PTPRD: variants seen among roughly 807,000 people sequenced by gnomAD.
PTPRD encodes the protein receptor-type tyrosine-protein phosphatase delta.
Under a neutral mutation model 214.5 loss-of-function variants are expected in PTPRD, and 34 were observed. The ratio of observed to expected loss-of-function variants is 0.16; its 90% CI spans 0.12 to 0.21. The LOEUF (loss-of-function observed/expected upper bound fraction) is 0.21, where lower values mean the gene tolerates loss of function less well. Among genes scored for constraint, PTPRD ranks in the 10% least tolerant of loss-of-function variants. The pLI is 1.00. For missense variants in PTPRD, 2,545 were observed against 2,398.7 expected (o/e 1.06, Z -1.27); for synonymous variants, 1,128 against 845.7 (o/e 1.33, Z -5.79).
chr9:9,601,229 T>A (rs2093743877), intron 7 of PTPRD, among the ~76,000 whole-genome samples: 1 of 150,920 alleles, frequency 6.6e-6, no homozygotes, highest in African/African-American at 2.4e-5. Flanking sequence ...AATATTTGAG[T>A]TATAATTACT....
intron 3 of PTPRD, among the ~76,000 whole-genome samples, chr9:10,108,013 T>C (rs1352694254): frequency 6.6e-6 from 1 of 152,034 alleles, no homozygotes; most frequent in Admixed American, 6.6e-5. Context: ...GCATTGTACT[T>C]TTTGGCTGCC....
chr9:9,529,684 A>G (rs2075031387), intron 8 of PTPRD, among the ~76,000 whole-genome samples: 1 of 151,356 alleles, frequency 6.6e-6, no homozygotes, highest in Non-Finnish European at 1.5e-5. Flanking sequence ...TGCTGGTGGA[A>G]AGGAAAAAAA....
chr9:10,466,215 GCTCAGGAAGCCTAATAT>G (rs1301210367), intron 2 of PTPRD, among the ~76,000 whole-genome samples: 15 of 152,132 alleles, frequency 9.9e-5, no homozygotes, highest in Admixed American at 9.8e-4. Flanking sequence ...GAAAACTGAT[GCTCAGGAAGCCTAATAT>G]CTAGCCTGAA....
intron 8 of PTPRD, among the ~76,000 whole-genome samples, chr9:9,430,604 A>C (rs1026556222): frequency 6.6e-6 from 1 of 152,190 alleles, no homozygotes; most frequent in African/African-American, 2.4e-5. Flanking sequence ...AGACAATCCT[A>C]AGCCAAAAGA....
rs1222366377 is a variant in PTPRD at position 9,021,887 on chromosome 9, TA to T, written c.-142-3153del. Among the ~76,000 whole-genome samples, 4 of 149,732 alleles carry T rather than the reference TA, an allele frequency of 2.7e-5. No individual in the cohort carries two copies. The East Asian group carries it at 7.9e-4, about 30-fold the overall frequency. On this transcript the variant is annotated intron_variant, in intron 10 of 45. Transcript: ENST00000381196. ...TTATTACAAAAGAGTCAAAAAGTTT[TA>T]AAAAGTTTCTAAAGTAAAAAATCTT...
intron 9 of PTPRD, among the ~76,000 whole-genome samples, chr9:9,357,762 T>G (rs2138769608): frequency 6.6e-6 from 1 of 151,372 alleles, no homozygotes; most frequent in Middle Eastern, 3.4e-3. Context: ...CAGACTATTT[T>G]AGGTTGACCC....
chr9:8,956,733 C>G (rs933788250), intron 11 of PTPRD, among the ~76,000 whole-genome samples: 3 of 151,812 alleles, frequency 2.0e-5, no homozygotes, highest in South Asian at 4.1e-4. Context: ...TCCTGCCTCC[C>G]TCCCTCTAAA....
Position 8,948,493 on chromosome 9 carries a change from T to A in PTPRD, c.-104+70204A>T, listed in dbSNP as rs1254283219. On this transcript the variant is annotated intron_variant, in intron 11 of 45. Coordinates refer to ENST00000381196, the MANE Select transcript of PTPRD (RefSeq NM_002839.4). Reference sequence around the variant, plus strand: ...CATATATATATATTTATATATATATTTATATATATATTTATATATATATAT... The same window carrying A: ...CATATATATATATTTATATATATATATATATATATATTTATATATATATAT... Among the ~76,000 whole-genome samples the A allele has an allele frequency of 6.2e-4, 30 of 48,426 alleles. 2 individuals carry two copies. Among genetic ancestry groups the A allele is most frequent in the African/African-American group, 1.0e-3 (11 of 11,004 alleles). 31.8% of individuals were successfully genotyped at this position (48,426 alleles called of 152,430 possible).
At chr9:10,525,456 T>C (rs975527551) in intron 2 of PTPRD, among the ~76,000 whole-genome samples, 1 of 152,012 alleles carries the variant, frequency 6.6e-6, no homozygotes, top group African/African-American at 2.4e-5. Flanking sequence ...ACAGATGATA[T>C]GAAAATTAAT....
At chr9:9,739,947 A>G (rs1199055256) in intron 6 of PTPRD, among the ~76,000 whole-genome samples, 1 of 152,162 alleles carries the variant, frequency 6.6e-6, no homozygotes, top group Non-Finnish European at 1.5e-5. Context: ...TTCCAAAAAT[A>G]TAAATATCTA....
intron 9 of PTPRD, among the ~76,000 whole-genome samples, chr9:9,355,391 G>C (rs2053372072): frequency 7.1e-6 from 1 of 141,272 alleles, no homozygotes; most frequent in South Asian, 2.3e-4. Flanking sequence ...GGAGGTGAAA[G>C]AATGGGCTTA....
At chr9:9,253,947 G>T (rs182408351) in intron 9 of PTPRD, among the ~76,000 whole-genome samples, 2 of 152,170 alleles carry the variant, frequency 1.3e-5, no homozygotes, top group African/African-American at 4.8e-5. Flanking sequence ...GCAGTTGCCA[G>T]CTTGGTTTCT....
At chr9:10,599,400 T>C (rs1365866798) in intron 2 of PTPRD, among the ~76,000 whole-genome samples, 1 of 151,782 alleles carries the variant, frequency 6.6e-6, no homozygotes, top group Non-Finnish European at 1.5e-5. Flanking sequence ...TATACAACAA[T>C]GAATGCTGAA....
intron 9 of PTPRD, among the ~76,000 whole-genome samples, chr9:9,204,108 C>T (rs1299457554): frequency 6.6e-6 from 1 of 152,038 alleles, no homozygotes; most frequent in East Asian, 1.9e-4. Context: ...ATGCTGTGCG[C>T]CAGGGAACAG....
At chr9:9,405,348 C>T (rs556664561) in intron 8 of PTPRD, among the ~76,000 whole-genome samples, 69 of 152,018 alleles carry the variant, frequency 4.5e-4, no homozygotes, top group African/African-American at 1.5e-3. Context: ...TCAGGTTCCT[C>T]GAGGGTTACC....
chr9:9,379,557 G>A (rs540363684), intron 9 of PTPRD, among the ~76,000 whole-genome samples: 43 of 151,850 alleles, frequency 2.8e-4, no homozygotes, highest in East Asian at 1.2e-3. Context: ...GAATCATTTC[G>A]TCAGTATCCA....
At chr9:9,661,110 T>C (rs1042809957) in intron 7 of PTPRD, among the ~76,000 whole-genome samples, 2 of 152,026 alleles carry the variant, frequency 1.3e-5, no homozygotes, top group Non-Finnish European at 2.9e-5. Context: ...TTTTTCTCTA[T>C]GTGGGGGTCT....
intron 7 of PTPRD, among the ~76,000 whole-genome samples, chr9:9,721,994 G>A (rs1236438607): frequency 6.6e-6 from 1 of 151,966 alleles, no homozygotes; most frequent in Non-Finnish European, 1.5e-5. Context: ...GTATGTGTGA[G>A]TGTTAGAGAG....
chr9:8,773,423 C>T (rs921561375), intron 11 of PTPRD, among the ~76,000 whole-genome samples: 4 of 152,138 alleles, frequency 2.6e-5, no homozygotes, highest in Admixed American at 6.6e-5. Context: ...TAAGCTGAGG[C>T]AATCATGGTA....
Sources: gnomAD v4.1 joint callset for allele counts (sites outside exome capture counted in the v4.1 genomes callset) on GRCh38, gnomAD v4.1.1 for gene constraint, MANE v1.5 for transcripts, NCBI Gene and HGNC (gene_info 2026-07-23, HGNC 2026-07-21) for gene names.